The following CTNNA2 variants were observed in gnomAD, a reference collection of about 807,000 sequenced individuals.
CTNNA2 encodes catenin alpha 2.
In CTNNA2, 42 loss-of-function variants were observed where a neutral mutation model predicts 101.0. The observed-to-expected ratio is 0.42, with a 90% CI of 0.32 to 0.54. The LOEUF (loss-of-function observed/expected upper bound fraction) is 0.54. Among genes scored for constraint, CTNNA2 ranks in the 20% least tolerant of loss-of-function variants. CTNNA2 has a pLI of 0.14. For missense variants in CTNNA2, 871 were observed against 1,223.1 expected (o/e 0.71, Z 4.29); for synonymous variants, 450 against 456.4 (o/e 0.99, Z 0.18).
chr2:80,554,246 T>A (rs2149655718), intron 11 of CTNNA2, among the ~76,000 whole-genome samples: 1 of 152,270 alleles, frequency 6.6e-6, no homozygotes, highest in African/African-American at 2.4e-5. Flanking sequence ...TCTTTCTTTC[T>A]TTAGGAAATT....
intron 7 of CTNNA2, among the ~76,000 whole-genome samples, chr2:80,369,495 G>A (rs1055146727): frequency 6.6e-6 from 1 of 152,084 alleles, no homozygotes; most frequent in African/African-American, 2.4e-5. Context: ...TGAAATTGTG[G>A]TAGGCAGAAA....
At position 80,380,186 on chromosome 2, in the gene CTNNA2, G is replaced by A. The variant is rs1360115574; in HGVS notation, c.1057-13025G>A. On this transcript the variant is annotated intron_variant, in intron 7 of 18. Transcript: ENST00000402739. ...TGAGTAGCTGGGATTACAGGTGCCT[G>A]CCACCATGCCCGGCTAATTTTTTGT... is the stretch of plus-strand genomic sequence containing the variant. Among the ~76,000 whole-genome samples the A allele has an allele frequency of 3.3e-5, 5 of 152,050 alleles. No individual in the cohort carries two copies. In the South Asian group the frequency reaches 8.3e-4, roughly 25 times the overall value.
At chr2:80,148,560 G>A (rs1478947312) in intron 7 of CTNNA2, among the ~76,000 whole-genome samples, 1 of 152,190 alleles carries the variant, frequency 6.6e-6, no homozygotes, top group African/African-American at 2.4e-5. Flanking sequence ...CAAAGTATGG[G>A]CCTTACCACC....
chr2:79,986,789 G>T (rs931415198), intron 7 of CTNNA2, among the ~76,000 whole-genome samples: 12 of 152,260 alleles, frequency 7.9e-5, no homozygotes, highest in African/African-American at 2.9e-4. Context: ...GATAAGATGG[G>T]GTAGGAGTCC....
chr2:79,860,688 C>T (rs1453632265), intron 4 of CTNNA2, among the ~76,000 whole-genome samples: 1 of 151,546 alleles, frequency 6.6e-6, no homozygotes, highest in Admixed American at 6.6e-5. Flanking sequence ...ACTTAGAGTG[C>T]AGTGTCTGTA....
intron 4 of CTNNA2, 32 bp from the exon 5 acceptor site, chr2:79,869,784 A>G (rs761949688): frequency 1.3e-6 from 2 of 1,599,452 alleles, no homozygotes; most frequent in African/African-American, 1.4e-5. Context: ...AATACTATCC[A>G]CTAATAAATA....
chr2:79,471,882 C>T (rs1671003095), intron 4 of CTNNA2, among the ~76,000 whole-genome samples: 1 of 151,940 alleles, frequency 6.6e-6, no homozygotes, highest in Admixed American at 6.6e-5. Context: ...TGTGGGGAGG[C>T]ACATTTATTC....
chr2:79,281,299 C>G (rs1573022002), intron 2 of CTNNA2, among the ~76,000 whole-genome samples: 3 of 152,130 alleles, frequency 2.0e-5, no homozygotes, highest in African/African-American at 7.2e-5. Flanking sequence ...AGAAGCTGGT[C>G]CCCATGGTGG....
intron 1 of CTNNA2, among the ~76,000 whole-genome samples, chr2:79,631,883 G>GT (rs1679720960): frequency 6.6e-6 from 1 of 152,150 alleles, no homozygotes; most frequent in Non-Finnish European, 1.5e-5. Flanking sequence ...AAAAATAACA[G>GT]TTCTAGGTGA....
chr2:80,641,191 C>G (rs1673438107), intron 18 of CTNNA2, among the ~76,000 whole-genome samples: 2 of 152,134 alleles, frequency 1.3e-5, no homozygotes, highest in Admixed American at 1.3e-4. Context: ...TCAAAGTAAA[C>G]ACCTCAGTTC....
intron 4 of CTNNA2, among the ~76,000 whole-genome samples, chr2:79,381,951 T>C (rs898098582): frequency 1.2e-4 from 18 of 152,234 alleles, no homozygotes; most frequent in Non-Finnish European, 1.9e-4. Flanking sequence ...TCAACTTGGC[T>C]GGGCTAAGGG....
chr2:80,104,307 A>T (rs2148848485), intron 7 of CTNNA2, among the ~76,000 whole-genome samples: 1 of 152,310 alleles, frequency 6.6e-6, no homozygotes, highest in East Asian at 1.9e-4. Flanking sequence ...TCTTTCTAAT[A>T]AAGACTCCTG....
intron 7 of CTNNA2, among the ~76,000 whole-genome samples, chr2:80,132,230 A>C (rs1435494550): frequency 1.3e-5 from 2 of 152,112 alleles, no homozygotes. Flanking sequence ...ACACATTGCT[A>C]CTGAAAGCTT....
chr2:80,035,217 G>T (rs145447344), intron 7 of CTNNA2, among the ~76,000 whole-genome samples: 1 of 152,224 alleles, frequency 6.6e-6, no homozygotes, highest in African/African-American at 2.4e-5. Context: ...GTTACAAAGG[G>T]AAAATAGTAA....
intron 18 of CTNNA2, among the ~76,000 whole-genome samples, chr2:80,639,000 C>CT (rs780591983): frequency 1.4e-4 from 22 of 152,084 alleles, no homozygotes; most frequent in Non-Finnish European, 3.2e-4. Context: ...TCAGCACTGG[C>CT]TGGTTCTCTG....
At chr2:79,681,408 A>G (rs1186202576) in intron 2 of CTNNA2, among the ~76,000 whole-genome samples, 1 of 152,150 alleles carries the variant, frequency 6.6e-6, no homozygotes, top group African/African-American at 2.4e-5. Context: ...CCTGTTTTCC[A>G]TCTACCTCCA....
chr2:79,551,792 G>C (rs1487672517), intron 1 of CTNNA2, among the ~76,000 whole-genome samples: 1 of 152,150 alleles, frequency 6.6e-6, no homozygotes, highest in African/African-American at 2.4e-5. Context: ...GAGGAAGAAG[G>C]GAGTGGGAGG....
At chr2:79,233,587 T>A (rs1674522457) in intron 2 of CTNNA2, among the ~76,000 whole-genome samples, 2 of 152,150 alleles carry the variant, frequency 1.3e-5, no homozygotes, top group Non-Finnish European at 2.9e-5. Flanking sequence ...AAGTGTTGAG[T>A]TTAAGTCCAG....
intron 2 of CTNNA2, among the ~76,000 whole-genome samples, chr2:79,297,701 T>C (rs1405087696): frequency 6.6e-6 from 1 of 152,196 alleles, no homozygotes; most frequent in African/African-American, 2.4e-5. Context: ...ATCTAATCTT[T>C]CATCTACTCA....
Sources: gnomAD v4.1 joint callset for allele counts (sites outside exome capture counted in the v4.1 genomes callset) on GRCh38, gnomAD v4.1.1 for gene constraint, MANE v1.5 for transcripts, NCBI Gene and HGNC (gene_info 2026-07-23, HGNC 2026-07-21) for gene names.